The following BACH2 variants were observed in gnomAD, a reference collection of about 807,000 sequenced individuals.
BACH2 encodes transcription regulator protein BACH2.
BACH2 carries 5 observed loss-of-function variants against 61.8 expected under a neutral mutation model. That is an observed-to-expected ratio of 0.08 (90% CI 0.04 to 0.17). BACH2 has a LOEUF of 0.17. BACH2 is among the 10% of genes least tolerant of loss of function. BACH2 has a pLI of 1.00. For missense variants in BACH2, 824 were observed against 1,091.1 expected, an observed-to-expected ratio of 0.76 and a Z score of 3.45; for synonymous variants, 446 against 440.1, an observed-to-expected ratio of 1.01 and a Z score of -0.17.
chr6:90,059,968 A>T (rs1475522377), intron 5 of BACH2, among the ~76,000 whole-genome samples: 1 of 105,214 alleles, frequency 9.5e-6, no homozygotes, highest in Non-Finnish European at 1.8e-5. Flanking sequence ...CACACCAGGG[A>T]CTGTTGTGGG....
intron 5 of BACH2, among the ~76,000 whole-genome samples, chr6:90,073,123 T>C (rs1781315227): frequency 6.6e-6 from 1 of 152,122 alleles, no homozygotes; most frequent in African/African-American, 2.4e-5. Flanking sequence ...TTGGGCGAGG[T>C]TTCAAACGTT....
At chr6:90,181,693 A>T (rs1768171156) in intron 4 of BACH2, among the ~76,000 whole-genome samples, 1 of 152,080 alleles carries the variant, frequency 6.6e-6, no homozygotes, top group Non-Finnish European at 1.5e-5. Context: ...GCAATCCTCT[A>T]ACCTCAGCCT....
At chr6:89,974,630 T>C (rs558446120) in intron 6 of BACH2, among the ~76,000 whole-genome samples, 1 of 152,316 alleles carries the variant, frequency 6.6e-6, no homozygotes, top group South Asian at 2.1e-4. Context: ...CAAGTCAAAG[T>C]TGATACGTAA....
intron 2 of BACH2, among the ~76,000 whole-genome samples, chr6:90,267,229 G>A (rs753445724): frequency 1.3e-4 from 19 of 151,946 alleles, no homozygotes; most frequent in Non-Finnish European, 2.1e-4. Flanking sequence ...AGAAAACTTG[G>A]TACACAAAAG....
intron 3 of BACH2, among the ~76,000 whole-genome samples, chr6:90,236,931 T>C (rs1484413608): frequency 2.0e-5 from 3 of 152,158 alleles, no homozygotes; most frequent in East Asian, 1.9e-4. Flanking sequence ...GCCAATGTTC[T>C]TATTTTTTTT....
chr6:90,277,297 T>C (rs985082050), intron 1 of BACH2, among the ~76,000 whole-genome samples: 3 of 152,200 alleles, frequency 2.0e-5, no homozygotes, highest in African/African-American at 7.2e-5. Context: ...CTATATAGCA[T>C]GGAGAATGAA....
intron 2 of BACH2, among the ~76,000 whole-genome samples, chr6:90,268,010 G>GTT (rs751492686): frequency 0.012 from 1,614 of 132,948 alleles, 25 homozygotes; most frequent in Middle Eastern, 0.023. Context: ...TGCCTTTTTT[G>GTT]TTTTTTTTTT....
intron 5 of BACH2, among the ~76,000 whole-genome samples, chr6:90,087,977 ATT>A (rs1303952105): frequency 3.5e-4 from 50 of 142,114 alleles, no homozygotes; most frequent in African/African-American, 1.1e-3. Flanking sequence ...CATTCTTTCT[ATT>A]TTTTTTTTTT....
chr6:89,943,443 G>T (rs1773554418), intron 7 of BACH2, among the ~76,000 whole-genome samples: 1 of 151,426 alleles, frequency 6.6e-6, no homozygotes, highest in Non-Finnish European at 1.5e-5. Flanking sequence ...TATTCTGTAA[G>T]TATTATATAA....
chr6:90,028,874 A>G (rs1778787437), intron 5 of BACH2, among the ~76,000 whole-genome samples: 1 of 152,234 alleles, frequency 6.6e-6, no homozygotes, highest in Non-Finnish European at 1.5e-5. Context: ...CCTGATCTGT[A>G]CTAAAAGTAC....
chr6:90,294,926 T>C (rs1166561830), intron 1 of BACH2, among the ~76,000 whole-genome samples: 1 of 152,198 alleles, frequency 6.6e-6, no homozygotes, highest in Non-Finnish European at 1.5e-5. Context: ...GCAAAATATC[T>C]CATTAGGCAT....
intron 4 of BACH2, among the ~76,000 whole-genome samples, chr6:90,132,263 A>G (rs924355051): frequency 6.6e-6 from 1 of 152,068 alleles, no homozygotes; most frequent in East Asian, 1.9e-4. Flanking sequence ...GTCTTCGTCT[A>G]TTTTTTCCTA....
chr6:90,233,131 T>C (rs1270760056), intron 3 of BACH2, among the ~76,000 whole-genome samples: 4 of 152,198 alleles, frequency 2.6e-5, no homozygotes, highest in Non-Finnish European at 4.4e-5. Flanking sequence ...ACATTTGGAA[T>C]TGATAAGCTA....
At chr6:90,070,739 T>A (rs537887030) in intron 5 of BACH2, among the ~76,000 whole-genome samples, 1 of 152,212 alleles carries the variant, frequency 6.6e-6, no homozygotes. Context: ...AGAAAATTCT[T>A]GTTTTGAGCC....
intron 1 of BACH2, among the ~76,000 whole-genome samples, chr6:90,273,248 C>G (rs906004668): frequency 2.0e-5 from 3 of 152,056 alleles, no homozygotes; most frequent in Non-Finnish European, 4.4e-5. Flanking sequence ...GTCCTGGCTA[C>G]TCAGGAGGCT....
intron 4 of BACH2, among the ~76,000 whole-genome samples, chr6:90,098,490 G>C (rs1782475253): frequency 6.6e-6 from 1 of 152,100 alleles, no homozygotes; most frequent in Admixed American, 6.5e-5. Flanking sequence ...CAGAAAATTA[G>C]CCTAGCGCTT....
In BACH2 at chr6:89,931,443, T is replaced by TA. The variant is rs1772636075; in HGVS notation, c.*964dup. ...ATCACCTGAGTGCTTTTTAATTAGC[T>TA]AAAATGTTTTACTTTTTTAACTAAA... On this transcript the variant is annotated 3_prime_UTR_variant, in exon 9 of 9. Coordinates refer to ENST00000257749, the MANE Select transcript of BACH2 (RefSeq NM_021813.4). 1.3e-5 allele frequency: 2 copies of TA among 152,752 alleles called. No homozygotes were observed. The highest frequency in any genetic ancestry group is 1.3e-4 in the Admixed American group (2 of 15,286). 9.5% of individuals were successfully genotyped at this position (152,752 alleles called of 1,614,324 possible).
intron 4 of BACH2, among the ~76,000 whole-genome samples, chr6:90,154,892 T>C (rs1293105811): frequency 2.6e-5 from 4 of 152,080 alleles, no homozygotes; most frequent in Non-Finnish European, 4.4e-5. Context: ...ACCCACATGC[T>C]GGCCCCTCCC....
intron 4 of BACH2, among the ~76,000 whole-genome samples, chr6:90,183,351 A>T (rs1768232033): frequency 6.6e-6 from 1 of 152,212 alleles, no homozygotes; most frequent in South Asian, 2.1e-4. Flanking sequence ...CCTTGACCAA[A>T]TGTCCATATA....
Sources: allele counts gnomAD v4.1 joint callset (sites outside exome capture counted in the v4.1 genomes callset), GRCh38; gene constraint gnomAD v4.1.1; transcripts MANE v1.5; gene names NCBI Gene and HGNC (gene_info 2026-07-23, HGNC 2026-07-21).